The following CUX1 variants were observed in gnomAD, a reference collection of about 807,000 sequenced individuals.
The protein encoded by CUX1 is protein CASP.
In CUX1, 31 loss-of-function variants were observed where a neutral mutation model predicts 158.8. The ratio of observed to expected loss-of-function variants is 0.20; its 90% confidence interval spans 0.15 to 0.26. The LOEUF is 0.26. Among genes scored for constraint, CUX1 ranks in the 10% least tolerant of loss-of-function variants. CUX1 has a pLI of 1.00. For missense variants in CUX1, 1,589 were observed against 2,014.6 expected (o/e 0.79, Z 4.04); for synonymous variants, 879 against 862.1 (o/e 1.02, Z -0.34).
At chr7:101,963,441 G>A (rs901178109) in intron 2 of CUX1, among the ~76,000 whole-genome samples, 4 of 152,276 alleles carry the variant, frequency 2.6e-5, no homozygotes, top group South Asian at 2.1e-4. Flanking sequence ...AGTTCATCCC[G>A]GATCCAGGCC....
At chr7:102,103,660 G>A (rs1367780072) in intron 5 of CUX1, among the ~76,000 whole-genome samples, 2 of 152,042 alleles carry the variant, frequency 1.3e-5, no homozygotes, top group African/African-American at 4.8e-5. Flanking sequence ...GTGTCAAACT[G>A]CTGGGCTCAA....
chr7:102,082,009 A>G (rs1427485056), intron 4 of CUX1, among the ~76,000 whole-genome samples: 4 of 145,602 alleles, frequency 2.7e-5, no homozygotes, highest in African/African-American at 7.4e-5. Context: ...TTTCTTTCAC[A>G]CCCAATAGCC....
Position 102,234,073 on chromosome 7 carries a change from C to T in CUX1, c.3455C>T (p.Thr1152Ile). 1 of 1,544,804 alleles carries T rather than the reference C, an allele frequency of 6.5e-7. No homozygotes were observed. The highest frequency in any genetic ancestry group is 8.7e-7 in the Non-Finnish European group (1 of 1,149,258). Residue 1152 changes from threonine (T) to isoleucine (I), a missense_variant, in exon 22 of 24, where the codon ACC becomes ATC. This residue lies in a region of CUX1 where 259 missense variants were observed against 373.8 expected (regional missense o/e 0.69). Coordinates refer to ENST00000292535, the MANE Select transcript of CUX1 (RefSeq NM_181552.4). ...NNLGQRLFGETILGLTQGSVS... is the reference protein window; with the variant it reads ...NNLGQRLFGEIILGLTQGSVS... ...CTAGGCCAGCGCTTATTTGGGGAGA[C>T]CATCTTAGGGCTCACCCAAGGCTCT...
chr7:102,089,075 ATCTT>A (rs1194092972), intron 4 of CUX1, among the ~76,000 whole-genome samples: 1 of 151,884 alleles, frequency 6.6e-6, no homozygotes. Context: ...CTGTGACTAT[ATCTT>A]TAAATTCACT....
chr7:102,239,450 G>A lies in CUX1; in HGVS notation c.3753G>A (p.Leu1251=). The A allele has an allele frequency of 6.2e-7, 1 of 1,614,054 alleles. No homozygotes were observed. The highest frequency in any genetic ancestry group is 8.5e-7 in the Non-Finnish European group (1 of 1,179,938). Reference sequence around the variant, plus strand: ...AGCTGAAGAAACCCCGGGTGGTGCTGGCTCCGGAGGAGAAGGAGGCGCTGA... The same window carrying A: ...AGCTGAAGAAACCCCGGGTGGTGCTAGCTCCGGAGGAGAAGGAGGCGCTGA... The part of the protein sequence containing the change: ...QHQLKKPRVV[L]APEEKEALKR... The change falls in exon 23 of 24, where the codon CTG becomes CTA. Residue 1251 remains leucine, a synonymous_variant. Coordinates refer to ENST00000292535, the MANE Select transcript of CUX1 (RefSeq NM_181552.4).
At chr7:102,173,602 G>A (rs1039406770) in intron 10 of CUX1, among the ~76,000 whole-genome samples, 2 of 152,142 alleles carry the variant, frequency 1.3e-5, no homozygotes, top group Non-Finnish European at 2.9e-5. Context: ...CTGGGGTCCT[G>A]CTTCATTCTG....
intron 2 of CUX1, among the ~76,000 whole-genome samples, chr7:101,984,829 T>C (rs1319984826): frequency 6.6e-6 from 1 of 152,138 alleles, no homozygotes; most frequent in East Asian, 1.9e-4. Flanking sequence ...TGGCAAACAG[T>C]TTTGCAAGGT....
rs774765243 is a variant in CUX1, at chr7:101,916,078, T to C, written c.31-37T>C. The C allele has an allele frequency of 6.9e-6, 10 of 1,458,510 alleles. No individual in the cohort carries two copies. Among genetic ancestry groups the C allele is most frequent in the Non-Finnish European group, 9.6e-6 (10 of 1,039,012 alleles). The allele number at this position is 1,458,510 out of a possible 1,614,324, so 90.3% of individuals were successfully genotyped here. On this transcript the variant is annotated intron_variant, in intron 1 of 23. Coordinates refer to ENST00000292535, the MANE Select transcript of CUX1 (RefSeq NM_181552.4). This position sits in a 1 kb window ranked among gnomAD's most constrained non-coding sequence, Gnocchi z 4.4. ...GACCCTCCTCTAGTACACAGTGCAA[T>C]TACAATCTCACTTTTCCTTTCCTGT...
intron 2 of CUX1, among the ~76,000 whole-genome samples, chr7:101,975,669 T>C (rs1248837771): frequency 6.6e-6 from 1 of 152,196 alleles, no homozygotes; most frequent in Non-Finnish European, 1.5e-5. Flanking sequence ...TGATAAATTT[T>C]CCACTGGTCA....
intron 17 of CUX1, among the ~76,000 whole-genome samples, chr7:102,277,129 G>T (rs1554547906): frequency 6.6e-6 from 1 of 151,702 alleles, no homozygotes; most frequent in Non-Finnish European, 1.5e-5. Context: ...GTGAGACCCC[G>T]ACTCTGCAAA....
intron 8 of CUX1, among the ~76,000 whole-genome samples, chr7:102,132,753 C>A (rs1554497735): frequency 7.0e-6 from 1 of 143,486 alleles, no homozygotes; most frequent in African/African-American, 2.6e-5. Context: ...CTCACTGCAA[C>A]CTCCACCTCC....
intron 3 of CUX1, among the ~76,000 whole-genome samples, chr7:102,051,913 A>G (rs1377543354): frequency 6.6e-6 from 1 of 151,986 alleles, no homozygotes; most frequent in African/African-American, 2.4e-5. Flanking sequence ...CGTCAGCTCA[A>G]AAAGAAACCT....
chr7:101,969,291 T>C (rs1190864826), intron 2 of CUX1, among the ~76,000 whole-genome samples: 1 of 145,378 alleles, frequency 6.9e-6, no homozygotes, highest in Admixed American at 7.3e-5. Context: ...GCCAAGATCG[T>C]GCCACTGCAC....
intron 14 of CUX1, among the ~76,000 whole-genome samples, chr7:102,265,818 T>C (rs1790761911): frequency 6.6e-6 from 1 of 152,086 alleles, no homozygotes; most frequent in South Asian, 2.1e-4. Flanking sequence ...GCTGATGCCA[T>C]CATCACAATG....
At chr7:102,183,566 C>A (rs1563367393) in intron 11 of CUX1, among the ~76,000 whole-genome samples, 1 of 152,186 alleles carries the variant, frequency 6.6e-6, no homozygotes, top group African/African-American at 2.4e-5. Context: ...ATGTCCTTAT[C>A]TATGGAGAGT....
chr7:101,952,622 A>C (rs1439876227), intron 2 of CUX1, among the ~76,000 whole-genome samples: 1 of 152,150 alleles, frequency 6.6e-6, no homozygotes, highest in African/African-American at 2.4e-5. Context: ...CTTGGTACTG[A>C]TGCCGAACCA....
chr7:101,951,629 C>T (rs955872305), intron 2 of CUX1, among the ~76,000 whole-genome samples: 4 of 152,112 alleles, frequency 2.6e-5, no homozygotes, highest in African/African-American at 9.7e-5. Flanking sequence ...CCTCAGCCTC[C>T]TGAGTAGCTG....
At chr7:102,184,708 G>A (rs534318219) in intron 11 of CUX1, among the ~76,000 whole-genome samples, 18 of 152,106 alleles carry the variant, frequency 1.2e-4, no homozygotes, top group South Asian at 4.2e-4. Flanking sequence ...GTACAGTGGC[G>A]TGATCATAAT....
Position 102,193,907 on chromosome 7 carries a change from A to C in CUX1, c.1125+17A>C. 6.2e-7 allele frequency: 1 copy of C among 1,613,686 alleles called. No homozygotes were observed. On this transcript the variant is annotated intron_variant, in intron 13 of 23. Transcript: ENST00000292535. ...GGGACACAGGTACGTGTCTCACCTCAATGGTCAGCACTAGCATCAGCCCCG... is the reference window on the plus strand; with the variant it reads ...GGGACACAGGTACGTGTCTCACCTCCATGGTCAGCACTAGCATCAGCCCCG...
Sources: gnomAD v4.1 joint callset for allele counts (sites outside exome capture counted in the v4.1 genomes callset) on GRCh38, gnomAD v4.1.1 for gene constraint, gnomAD v4.1.1 regional missense constraint, Gnocchi (gnomAD v3.1) non-coding constraint, MANE v1.5 for transcripts, NCBI Gene and HGNC (gene_info 2026-07-23, HGNC 2026-07-21) for gene names.